Variants in PRKN observed in about 807,000 individuals in gnomAD.
The protein encoded by PRKN is E3 ubiquitin-protein ligase parkin.
PRKN carries 56 observed loss-of-function variants against 59.5 expected under a neutral mutation model. The ratio of observed to expected loss-of-function variants is 0.94; its 90% CI spans 0.76 to 1.18. The LOEUF (loss-of-function observed/expected upper bound fraction) is 1.18, where lower values mean the gene tolerates loss of function less well. PRKN is among the 50% of genes most tolerant of loss of function. The probability of loss-of-function intolerance (pLI) is 0.00; values close to 1 mark genes in which losing one functional copy is unlikely to be tolerated. For missense variants in PRKN, 657 were observed against 596.4 expected (o/e 1.10, Z -1.06); for synonymous variants, 250 against 222.1 (o/e 1.13, Z -1.12).
At chr6:162,307,424 A>G (rs573377069) in intron 2 of PRKN, among the ~76,000 whole-genome samples, 2 of 151,512 alleles carry the variant, frequency 1.3e-5, no homozygotes, top group South Asian at 4.2e-4. Context: ...AAAAACACCA[A>G]CTAGATATAA....
intron 3 of PRKN, among the ~76,000 whole-genome samples, chr6:162,242,818 T>C (rs1348918075): frequency 2.0e-5 from 3 of 152,238 alleles, no homozygotes; most frequent in African/African-American, 2.4e-5. Flanking sequence ...TGTTGCAAAA[T>C]GGCAATCAAC....
chr6:161,643,260 A>G (rs1278359728), intron 7 of PRKN, among the ~76,000 whole-genome samples: 1 of 152,214 alleles, frequency 6.6e-6, no homozygotes, highest in African/African-American at 2.4e-5. Context: ...TAGTAAAAAC[A>G]GGTCTGCAAA....
At chr6:161,681,617 T>G (rs1785367385) in intron 7 of PRKN, among the ~76,000 whole-genome samples, 1 of 152,198 alleles carries the variant, frequency 6.6e-6, no homozygotes, top group Admixed American at 6.5e-5. Flanking sequence ...ATCCACACTG[T>G]GCTTTGACGC....
intron 1 of PRKN, among the ~76,000 whole-genome samples, chr6:162,644,239 C>G (rs892683354): frequency 6.6e-5 from 10 of 152,278 alleles, no homozygotes; most frequent in Middle Eastern, 3.4e-3. Flanking sequence ...GGCTACTAAG[C>G]CCCACCCTCA....
rs970256056 is a variant in PRKN, at chr6:161,448,439, C to T, written c.1084-61562G>A. On this transcript the variant is annotated intron_variant, in intron 9 of 11. Transcript: ENST00000366898. This position sits in a 1 kb window ranked among gnomAD's most constrained non-coding sequence, Gnocchi z 5.1. ...CAAAGACTAATGTAATCAGGACTCA[C>T]ATATCCACATCTTAGATTTAATGCT... is the stretch of plus-strand genomic sequence containing the variant. Among the ~76,000 whole-genome samples, 2 of 152,192 alleles carry T rather than the reference C, an allele frequency of 1.3e-5. No homozygotes were observed. The highest frequency in any genetic ancestry group is 3.9e-4 in the East Asian group (2 of 5,192).
At chr6:162,453,695 G>A (rs1447781334) in intron 1 of PRKN, among the ~76,000 whole-genome samples, 7 of 152,128 alleles carry the variant, frequency 4.6e-5, no homozygotes, top group Admixed American at 3.9e-4. Context: ...CTGAGGTCAG[G>A]AGTTCGAGAC....
In PRKN at chr6:162,054,188, C is replaced by A. The variant is rs2128285567; in HGVS notation, c.535-14G>T. 1 of 1,516,976 alleles carries A rather than the reference C, an allele frequency of 6.6e-7. No homozygotes were observed. Among genetic ancestry groups the A allele is most frequent in the South Asian group, 1.1e-5 (1 of 89,008 alleles). The allele number at this position is 1,516,976 out of a possible 1,614,324, so 94.0% of individuals were successfully genotyped here. On this transcript the variant is annotated splice_polypyrimidine_tract_variant and intron_variant, in intron 4 of 11. Transcript: ENST00000366898. ...GCAAGATGGACCCTTTGGGAAAAAA[C>A]AACAATATATGCTTATATGAGTTAT...
At position 161,552,787 on chromosome 6, in the gene PRKN, G is replaced by GTTGTT. The variant is rs1554275446; in HGVS notation, c.934-3785_934-3784insAACAA. Among the ~76,000 whole-genome samples, 115 of 86,504 alleles carry GTTGTT rather than the reference G, an allele frequency of 1.3e-3. 8 individuals carry two copies. Among genetic ancestry groups the GTTGTT allele is most frequent in the Non-Finnish European group, 1.4e-3 (53 of 37,570 alleles). The allele number at this position is 86,504 out of a possible 152,430, so 56.7% of individuals were successfully genotyped here. On this transcript the variant is annotated intron_variant, in intron 8 of 11. Transcript: ENST00000366898. The surrounding 1 kb of genome is among the most constrained non-coding windows in gnomAD (Gnocchi z 4.9). ...TAAAAGACACCATGGTTTTGTTGTT[G>GTTGTT]TTTTTGTTTTTTGTTTTTTTTTTTT...
intron 5 of PRKN, among the ~76,000 whole-genome samples, chr6:162,038,909 C>G (rs978526498): frequency 6.6e-6 from 1 of 152,152 alleles, no homozygotes; most frequent in Non-Finnish European, 1.5e-5. Flanking sequence ...AATCCCAACA[C>G]TTTGGGAGGC....
At chr6:162,074,164 A>G (rs1352424851) in intron 4 of PRKN, among the ~76,000 whole-genome samples, 2 of 140,756 alleles carry the variant, frequency 1.4e-5, no homozygotes, top group African/African-American at 5.4e-5. Flanking sequence ...TCATGCTGCT[A>G]TAAAGACACA....
At chr6:161,666,468 G>A (rs141318635) in intron 7 of PRKN, among the ~76,000 whole-genome samples, 3 of 152,222 alleles carry the variant, frequency 2.0e-5, no homozygotes, top group Non-Finnish European at 4.4e-5. Flanking sequence ...TTTCTTCCAC[G>A]GAAACTGGTC....
rs1427560305 is a variant in PRKN, at chr6:162,534,779, G to A, written c.8-91306C>T. 1.3e-5 allele frequency among the ~76,000 whole-genome samples: 2 copies of A among 152,140 alleles called. 1 individual carries two copies. Among genetic ancestry groups the A allele is most frequent in the Non-Finnish European group, 2.9e-5 (2 of 68,030 alleles). On this transcript the variant is annotated intron_variant, in intron 1 of 11. Coordinates refer to ENST00000366898, the MANE Select transcript of PRKN (RefSeq NM_004562.3). Reference sequence around the variant, plus strand: ...CCTGCAGCTCCAGTAGAGGCTGTGTGGAGAAGAGCCATGCAGACTGCATCT... The same window carrying A: ...CCTGCAGCTCCAGTAGAGGCTGTGTAGAGAAGAGCCATGCAGACTGCATCT...
At chr6:161,686,185 T>C (rs1785547161) in intron 7 of PRKN, among the ~76,000 whole-genome samples, 1 of 151,948 alleles carries the variant, frequency 6.6e-6, no homozygotes, top group Admixed American at 6.5e-5. Flanking sequence ...AGTTCCTGAG[T>C]TCAGGTCATT....
intron 7 of PRKN, among the ~76,000 whole-genome samples, chr6:161,589,778 C>CTTTT (rs201984579): frequency 7.3e-5 from 9 of 124,100 alleles, no homozygotes; most frequent in African/African-American, 2.2e-4. Flanking sequence ...GGATTAAATT[C>CTTTT]TTTTTTTTTT....
intron 5 of PRKN, among the ~76,000 whole-genome samples, chr6:162,014,344 T>A (rs1000798339): frequency 9.9e-5 from 15 of 152,156 alleles, no homozygotes; most frequent in African/African-American, 3.4e-4. Flanking sequence ...CTTTTTTACG[T>A]ACTCACACTG....
intron 2 of PRKN, chr6:162,270,150 G>T (rs752277682): frequency 3.9e-5 from 6 of 152,232 alleles, no homozygotes; most frequent in Non-Finnish European, 7.3e-5. Context: ...AGTGGATAAA[G>T]AAATCGTGGT....
chr6:161,759,621 A>T (rs1161740945), intron 7 of PRKN, among the ~76,000 whole-genome samples: 1 of 152,154 alleles, frequency 6.6e-6, no homozygotes, highest in African/African-American at 2.4e-5. Flanking sequence ...TATACTGTCA[A>T]TGTCACTAAC....
intron 7 of PRKN, among the ~76,000 whole-genome samples, chr6:161,633,995 TAAACACACACAC>T (rs1783413710): frequency 1.5e-5 from 1 of 66,304 alleles, no homozygotes; most frequent in Non-Finnish European, 2.8e-5. Flanking sequence ...ATGGAAAACT[TAAACACACACAC>T]ACACACACAC....
chr6:161,564,091 A>G lies in PRKN; in HGVS notation c.933+5264T>C, dbSNP rs1350752107. ...TTAATATAAACATTTTATTTTATCA[A>G]GTGATAACAGTTGCCTCAAGCATCC... On this transcript the variant is annotated intron_variant, in intron 8 of 11. Coordinates refer to ENST00000366898, the MANE Select transcript of PRKN (RefSeq NM_004562.3). Among the ~76,000 whole-genome samples the G allele has an allele frequency of 3.3e-5, 5 of 152,318 alleles. No homozygotes were observed. The East Asian group carries it at 7.7e-4, about 24-fold the overall frequency.
Sources: allele counts gnomAD v4.1 joint callset (sites outside exome capture counted in the v4.1 genomes callset), GRCh38; gene constraint gnomAD v4.1.1; non-coding constraint Gnocchi (gnomAD v3.1); transcripts MANE v1.5; gene names NCBI Gene and HGNC (gene_info 2026-07-23, HGNC 2026-07-21).